MDN1: variants seen among roughly 807,000 people sequenced by gnomAD.
MDN1 encodes the protein midasin AAA ATPase 1, also known as midasin.
MDN1 carries 266 observed loss-of-function variants against 669.2 expected under a neutral mutation model. That is an observed-to-expected ratio of 0.40 (90% confidence interval 0.36 to 0.44). MDN1 has a LOEUF of 0.44. MDN1 is among the 20% of genes least tolerant of loss of function. MDN1 has a pLI of 1.00. For synonymous variants in MDN1, 2,385 were observed against 2,457.1 expected (o/e 0.97, Z 0.87); for missense variants, 5,940 against 6,754.0 (o/e 0.88, Z 4.22).
At chr6:89,789,701 C>T (rs1014855403) in intron 7 of MDN1, 79 bp downstream of exon 7, 5 of 1,471,106 alleles carry the variant, frequency 3.4e-6, no homozygotes, top group African/African-American at 1.4e-5. Context: ...TAAATCATCA[C>T]CAGAATCACT....
At chr6:89,729,308 T>C (rs1043742553) in intron 35 of MDN1, among the ~76,000 whole-genome samples, 169 bp from the exon 36 acceptor site, 1 of 152,244 alleles carries the variant, frequency 6.6e-6, no homozygotes, top group Non-Finnish European at 1.5e-5. Context: ...TTTAGATCCA[T>C]AAAATGCTTT....
chr6:89,648,372 T>A, intron 97 of MDN1, 43 bp from the exon 98 acceptor site: 2 of 1,562,706 alleles, frequency 1.3e-6, no homozygotes, highest in Non-Finnish European at 1.8e-6. Context: ...CAGAATATCC[T>A]CTAAACCAGA....
intron 19 of MDN1, among the ~76,000 whole-genome samples, chr6:89,756,883 T>G (rs1817279286): frequency 6.7e-6 from 1 of 149,750 alleles, no homozygotes; most frequent in African/African-American, 2.5e-5. Context: ...GTTGCGCCAC[T>G]GCACTCCAGC....
chr6:89,710,627 T>G, intron 50 of MDN1, 54 bp downstream of exon 50: 1 of 1,037,806 alleles, frequency 9.6e-7, no homozygotes, highest in Non-Finnish European at 1.4e-6. Context: ...CCCCATAAAG[T>G]CAAAAGATAA....
In MDN1 at chr6:89,642,839, A is replaced by G. The variant is rs975789903; in HGVS notation, c.*1166T>C. 6.6e-6 allele frequency: 1 copy of G among 152,258 alleles called. No homozygotes were observed. The highest frequency in any genetic ancestry group is 1.5e-5 in the Non-Finnish European group (1 of 68,048). The allele number at this position is 152,258 out of a possible 1,614,324, so 9.4% of individuals were successfully genotyped here. A position where few individuals can be genotyped will look rare whatever the true frequency, so the allele number is the denominator to read the frequency against. ...GAATATAAGCTGCATAGCTTTTTAG[A>G]ATAAAAAATGATATAACTTCAGGTA... On this transcript the variant is annotated 3_prime_UTR_variant, in exon 102 of 102. Transcript: ENST00000369393.
chr6:89,738,275 C>T (rs1202672873), intron 33 of MDN1, 51 bp downstream of exon 33: 2 of 1,597,878 alleles, frequency 1.3e-6, no homozygotes, highest in African/African-American at 2.7e-5. Flanking sequence ...CAACTCCCAA[C>T]ACAAACCCTT....
rs1272077727 is a variant in MDN1 at position 89,714,676 on chromosome 6, A to C, written c.6936T>G (p.Ile2312Met). The C allele has an allele frequency of 1.2e-6, 2 of 1,614,168 alleles. No individual in the cohort carries two copies. The highest frequency in any genetic ancestry group is 8.5e-7 in the Non-Finnish European group (1 of 1,180,010). ...GGGTGCTTGCATCCCCTTCCCCTGA[A>C]ATGTAGATTTCAAGTCCACGATTCC... The part of the protein sequence containing the change: ...AMRNRGLEIY[I>M]SGEGDASTPD... The change falls in exon 46 of 102, where the codon ATT becomes ATG. Residue 2312 changes from isoleucine (I) to methionine (M), a missense_variant. This residue lies in a region of MDN1 where 2,292 missense variants were observed against 2,638.3 expected (regional missense o/e 0.87). Coordinates refer to ENST00000369393, the MANE Select transcript of MDN1 (RefSeq NM_014611.3).
At position 89,674,255 on chromosome 6, in the gene MDN1, G is replaced by A. The variant is rs1476254347; in HGVS notation, c.13096C>T (p.Gln4366Ter). 1 of 1,614,254 alleles carries A rather than the reference G, an allele frequency of 6.2e-7. No individual in the cohort carries two copies. The highest frequency in any genetic ancestry group is 1.3e-5 in the African/African-American group (1 of 75,070). ...LSYPSPIPGS[Q>*]LPSGCRMRKQ... ...CGCATCCGGCAACCAGAGGGCAGCT[G>A]ACTTCCAGGTATTGGAGATGGGTAG... Residue 4366 changes from glutamine (Q) to a stop codon, truncating the protein, a stop_gained, in exon 79 of 102, where the codon CAG becomes TAG. Coordinates refer to ENST00000369393, the MANE Select transcript of MDN1 (RefSeq NM_014611.3). LOFTEE classifies it high-confidence loss of function.
chr6:89,676,583 G>A (rs1232464437), intron 76 of MDN1, among the ~76,000 whole-genome samples: 3 of 152,180 alleles, frequency 2.0e-5, no homozygotes, highest in Non-Finnish European at 4.4e-5. Flanking sequence ...AAGACACAGG[G>A]GTTGTTGAGG....
At chr6:89,656,895 G>C in intron 90 of MDN1, 94 bp from the exon 91 acceptor site, 1 of 1,045,950 alleles carries the variant, frequency 9.6e-7, no homozygotes, top group African/African-American at 1.6e-5. Flanking sequence ...TCTCACTGCT[G>C]TCCTTTATTC....
chr6:89,671,407 G>C (rs1415542911), intron 82 of MDN1, among the ~76,000 whole-genome samples: 1 of 152,160 alleles, frequency 6.6e-6, no homozygotes, highest in Non-Finnish European at 1.5e-5. Context: ...GGCCAAAGTG[G>C]GTAGACTGCT....
At chr6:89,720,710 A>G (rs1441072554) in intron 40 of MDN1, among the ~76,000 whole-genome samples, 4 of 152,228 alleles carry the variant, frequency 2.6e-5, no homozygotes, top group African/African-American at 7.2e-5. Context: ...ATACTAGCTG[A>G]TTATGTGAAT....
intron 55 of MDN1, 58 bp from the exon 56 acceptor site, chr6:89,700,914 T>C (rs1343047512): frequency 6.5e-6 from 9 of 1,394,988 alleles, no homozygotes; most frequent in Non-Finnish European, 9.0e-6. Context: ...TTTTCTTTAG[T>C]AGCCTATACA....
chr6:89,713,006 C>G, intron 47 of MDN1, 142 bp downstream of exon 47: 1 of 956,172 alleles, frequency 1.0e-6, no homozygotes, highest in South Asian at 1.8e-5. Flanking sequence ...AGAAAAGTAC[C>G]TGGATACCAG....
chr6:89,759,037 G>A (rs977226833), intron 17 of MDN1, 77 bp from the exon 18 acceptor site: 18 of 1,429,106 alleles, frequency 1.3e-5, no homozygotes, highest in Non-Finnish European at 1.6e-5. Flanking sequence ...TGCAAGCAGG[G>A]TTAGAAATAG....
At chr6:89,739,157 A>G (rs1343656868) in intron 32 of MDN1, among the ~76,000 whole-genome samples, 2 of 152,198 alleles carry the variant, frequency 1.3e-5, no homozygotes, top group African/African-American at 4.8e-5. Flanking sequence ...GTACCTCATC[A>G]GTATCATAGA....
At position 89,695,376 on chromosome 6, in the gene MDN1, T is replaced by C. The variant is rs9351213; in HGVS notation, c.9771+229A>G. On this transcript the variant is annotated intron_variant, in intron 61 of 101. Transcript: ENST00000369393. The surrounding 1 kb of genome is among the most constrained non-coding windows in gnomAD (Gnocchi z 4.1). Reference sequence around the variant, plus strand: ...TGCCCATTGCACCTATTGGCAGAGATCTCAGAACCTTAGGAAGGGCTCCTC... The same window carrying C: ...TGCCCATTGCACCTATTGGCAGAGACCTCAGAACCTTAGGAAGGGCTCCTC... Among the ~76,000 whole-genome samples the C allele has an allele frequency of 1, 151,621 of 152,288 alleles. 75,482 individuals carry two copies. Among genetic ancestry groups the C allele is most frequent in the Middle Eastern group, 1 (294 of 294 alleles).
intron 63 of MDN1, 72 bp from the exon 64 acceptor site, chr6:89,690,906 TAATTTCTCATGAAAATGA>T: frequency 6.6e-7 from 1 of 1,512,214 alleles, no homozygotes; most frequent in Non-Finnish European, 9.0e-7. Context: ...GATTTGCTAT[TAATTTCTCATGAAAATGA>T]AAGTATCATG....
At chr6:89,748,134 G>A (rs1816759957) in intron 26 of MDN1, among the ~76,000 whole-genome samples, 1 of 151,990 alleles carries the variant, frequency 6.6e-6, no homozygotes, top group African/African-American at 2.4e-5. Context: ...AGACCATCCT[G>A]GTCAATATGG....
Sources: allele counts gnomAD v4.1 joint callset (sites outside exome capture counted in the v4.1 genomes callset), GRCh38; gene constraint gnomAD v4.1.1; regional missense constraint gnomAD v4.1.1; non-coding constraint Gnocchi (gnomAD v3.1); transcripts MANE v1.5; gene names NCBI Gene and HGNC (gene_info 2026-07-23, HGNC 2026-07-21).